IL7: variants seen among roughly 807,000 people sequenced by gnomAD.
IL7 encodes interleukin-7.
IL7 carries 3 observed loss-of-function variants against 21.6 expected under a neutral mutation model. The ratio of observed to expected loss-of-function variants is 0.14; its 90% CI spans 0.06 to 0.36. IL7 has a LOEUF of 0.36. Ranked by LOEUF, IL7 falls within the 10% of genes least tolerant of loss-of-function variation. The pLI is 1.00. For missense variants in IL7, 175 were observed against 200.2 expected (o/e 0.87, Z 0.76); for synonymous variants, 62 against 68.1 (o/e 0.91, Z 0.44).
chr8:78,783,369 G>A (rs889939182), intron 2 of IL7, among the ~76,000 whole-genome samples: 1 of 152,160 alleles, frequency 6.6e-6, no homozygotes, highest in African/African-American at 2.4e-5. Flanking sequence ...CCCCCTGCAG[G>A]TGGGCCATTA....
At chr8:78,741,120 G>A (rs1461484368) in intron 2 of IL7, among the ~76,000 whole-genome samples, 1 of 152,118 alleles carries the variant, frequency 6.6e-6, no homozygotes, top group Non-Finnish European at 1.5e-5. Context: ...CATGGGCTTT[G>A]AATCCTCATC....
chr8:78,748,523 C>T (rs910438650), intron 2 of IL7, among the ~76,000 whole-genome samples: 52 of 152,308 alleles, frequency 3.4e-4, no homozygotes, highest in Middle Eastern at 3.4e-3. Context: ...AATGGGTTTA[C>T]ATTCCAATAA....
rs113508088 is a variant in IL7, at chr8:78,760,788, C to G, written c.148-20706G>C. On this transcript the variant is annotated intron_variant, in intron 2 of 5. Transcript: ENST00000263851. Reference sequence around the variant, plus strand: ...TTCCCAGGGAGTTTCATTTGAATATCAAGTTTGGTTGCCAAATTTGTGGCT... The same window carrying G: ...TTCCCAGGGAGTTTCATTTGAATATGAAGTTTGGTTGCCAAATTTGTGGCT... 13 of 1,531,392 alleles carry G rather than the reference C, an allele frequency of 8.5e-6. No homozygotes were observed. The African/African-American group carries it at 1.4e-4, about 16-fold the overall frequency. 94.9% of individuals were successfully genotyped at this position (1,531,392 alleles called of 1,614,324 possible).
intron 4 of IL7, chr8:78,678,676 G>A (rs757649886): frequency 1.6e-5 from 26 of 1,603,104 alleles, no homozygotes; most frequent in African/African-American, 2.7e-5. Context: ...CTCTCAAACC[G>A]AGGGTAACTA....
chr8:78,801,614 T>C (rs1167937067), intron 1 of IL7, among the ~76,000 whole-genome samples: 2 of 152,234 alleles, frequency 1.3e-5, no homozygotes, highest in South Asian at 2.1e-4. Context: ...GCCAAGACAA[T>C]GGTTTGTGTG....
At chr8:78,774,536 A>G (rs751966545) in intron 2 of IL7, among the ~76,000 whole-genome samples, 16 of 152,110 alleles carry the variant, frequency 1.1e-4, no homozygotes, top group Non-Finnish European at 2.2e-4. Context: ...TTAATTTCCC[A>G]GTCCTTCCTA....
intron 2 of IL7, among the ~76,000 whole-genome samples, chr8:78,789,953 G>A (rs1023041758): frequency 3.9e-5 from 6 of 152,100 alleles, no homozygotes; most frequent in African/African-American, 1.4e-4. Flanking sequence ...GTACATCTGG[G>A]TAGAGATATC....
intron 5 of IL7, among the ~76,000 whole-genome samples, chr8:78,734,726 TAAC>T (rs1259728614): frequency 2.6e-5 from 4 of 152,202 alleles, no homozygotes; most frequent in East Asian, 1.9e-4. Context: ...ATAATTTAGA[TAAC>T]AAGTTATTGG....
intron 5 of IL7, chr8:78,720,945 A>C (rs911067376): frequency 6.6e-6 from 1 of 151,924 alleles, no homozygotes; most frequent in East Asian, 1.9e-4. Context: ...AAAGAGTGTC[A>C]TCTATTTAAA....
At chr8:78,789,593 C>T (rs1032143170) in intron 2 of IL7, among the ~76,000 whole-genome samples, 3 of 151,918 alleles carry the variant, frequency 2.0e-5, no homozygotes, top group South Asian at 2.1e-4. Context: ...AGATTTGAAT[C>T]GGGACAGATA....
chr8:78,709,742 T>C (rs1810896523), intron 3 of IL7, among the ~76,000 whole-genome samples: 1 of 151,444 alleles, frequency 6.6e-6, no homozygotes, highest in African/African-American at 2.4e-5. Context: ...AAAAATTTCA[T>C]AATGTTTTAA....
At chr8:78,785,018 T>C (rs1266487588) in intron 2 of IL7, among the ~76,000 whole-genome samples, 4 of 152,150 alleles carry the variant, frequency 2.6e-5, no homozygotes, top group Non-Finnish European at 5.9e-5. Context: ...CAGAATTTTG[T>C]AGACATTATT....
chr8:78,758,306 A>G (rs1230904256), intron 2 of IL7, among the ~76,000 whole-genome samples: 1 of 152,026 alleles, frequency 6.6e-6, no homozygotes, highest in Non-Finnish European at 1.5e-5. Flanking sequence ...TGTCATTTTG[A>G]TAGCTGTTTT....
chr8:78,802,233 C>T (rs573212131), intron 1 of IL7, among the ~76,000 whole-genome samples: 1 of 152,254 alleles, frequency 6.6e-6, no homozygotes, highest in Admixed American at 6.5e-5. Flanking sequence ...TTCTACAATC[C>T]ATCAACTCCA....
intron 2 of IL7, among the ~76,000 whole-genome samples, chr8:78,793,314 T>C (rs1324408009): frequency 1.3e-5 from 2 of 152,086 alleles, no homozygotes; most frequent in Non-Finnish European, 2.9e-5. Context: ...TAGAATTAGA[T>C]AGTGATAATG....
At chr8:78,767,771 T>C (rs1049591463) in intron 2 of IL7, among the ~76,000 whole-genome samples, 1 of 152,050 alleles carries the variant, frequency 6.6e-6, no homozygotes, top group African/African-American at 2.4e-5. Flanking sequence ...GTAATCTTTT[T>C]TATTTTATTA....
At chr8:78,701,696 C>T (rs908983131) in intron 3 of IL7, among the ~76,000 whole-genome samples, 16 of 152,148 alleles carry the variant, frequency 1.1e-4, no homozygotes, top group African/African-American at 2.4e-5. Flanking sequence ...GAGTTTTTAA[C>T]GTGAAGGGAT....
At chr8:78,735,277 T>C (rs1305116016) in intron 5 of IL7, among the ~76,000 whole-genome samples, 1 of 5,952 alleles carries the variant, frequency 1.7e-4, no homozygotes, top group Non-Finnish European at 3.0e-4. Context: ...TTTTCTTTTC[T>C]TTTTTTTTTT....
intron 2 of IL7, among the ~76,000 whole-genome samples, chr8:78,754,849 T>G (rs78382454): frequency 0.02 from 2,992 of 152,250 alleles, 92 homozygotes; most frequent in African/African-American, 0.068. Flanking sequence ...ACAGTCACAT[T>G]TGTTTCTTTT....
Sources: gnomAD v4.1 joint callset for allele counts (sites outside exome capture counted in the v4.1 genomes callset) on GRCh38, gnomAD v4.1.1 for gene constraint, MANE v1.5 for transcripts, NCBI Gene and HGNC (gene_info 2026-07-23, HGNC 2026-07-21) for gene names.